The following XXYLT1 variants were observed in gnomAD, a reference collection of about 807,000 sequenced individuals.
The protein encoded by XXYLT1 is UDP-xylose:alpha-xyloside alpha-1,3-xylosyltransferase.
Under a neutral mutation model 28.9 loss-of-function variants are expected in XXYLT1, and 20 were observed. That is an observed-to-expected ratio of 0.69 (90% CI 0.49 to 1.00). The LOEUF is 1.00. Among genes scored for constraint, XXYLT1 ranks in the 50% least tolerant of loss-of-function variants. The pLI is 0.00. For missense variants in XXYLT1, 542 were observed against 560.1 expected (o/e 0.97, Z 0.33); for synonymous variants, 257 against 253.8 (o/e 1.01, Z -0.12).
In XXYLT1 at chr3:195,257,748, C is replaced by T. The variant is rs1165071556; in HGVS notation, c.504+12807G>A. On this transcript the variant is annotated intron_variant, in intron 1 of 3. Coordinates refer to ENST00000310380, the MANE Select transcript of XXYLT1 (RefSeq NM_152531.5). This position sits in a 1 kb window ranked among gnomAD's most constrained non-coding sequence, Gnocchi z 4.3. ...AGGCCGCCCTACCCCAGCTGCCCCCCTCTGCCCCATCTTCTGGTCATGACT... is the reference window on the plus strand; with the variant it reads ...AGGCCGCCCTACCCCAGCTGCCCCCTTCTGCCCCATCTTCTGGTCATGACT... Among the ~76,000 whole-genome samples the T allele has an allele frequency of 1.3e-5, 2 of 152,152 alleles. No individual in the cohort carries two copies. The highest frequency in any genetic ancestry group is 6.5e-5 in the Admixed American group (1 of 15,278).
chr3:195,107,777 A>G (rs1225089122), intron 3 of XXYLT1, among the ~76,000 whole-genome samples: 1 of 151,802 alleles, frequency 6.6e-6, no homozygotes, highest in Non-Finnish European at 1.5e-5. Context: ...CCAGCCCCTC[A>G]GTGTTCGGAA....
Position 195,210,078 on chromosome 3 carries a change from C to T in XXYLT1, c.652+16631G>A, listed in dbSNP as rs181639257. Among the ~76,000 whole-genome samples, 4 of 146,090 alleles carry T rather than the reference C, an allele frequency of 2.7e-5. No individual in the cohort carries two copies. The highest frequency in any genetic ancestry group is 4.4e-5 in the Non-Finnish European group (3 of 67,950). On this transcript the variant is annotated intron_variant, in intron 2 of 3. Coordinates refer to ENST00000310380, the MANE Select transcript of XXYLT1 (RefSeq NM_152531.5). This position sits in a 1 kb window ranked among gnomAD's most constrained non-coding sequence, Gnocchi z 4.8. Reference sequence around the variant, plus strand: ...GCAGCTGCAGTCCAGGCTGAGGCCCCGGCCGCCCGCACACCCTGGCCCAGA... The same window carrying T: ...GCAGCTGCAGTCCAGGCTGAGGCCCTGGCCGCCCGCACACCCTGGCCCAGA...
At chr3:195,201,194 C>T (rs1048723823) in intron 2 of XXYLT1, among the ~76,000 whole-genome samples, 1 of 152,194 alleles carries the variant, frequency 6.6e-6, no homozygotes, top group Non-Finnish European at 1.5e-5. Flanking sequence ...TAAGAAGTCA[C>T]TGGACTTCGA....
At chr3:195,201,107 C>T (rs1277474756) in intron 2 of XXYLT1, among the ~76,000 whole-genome samples, 2 of 152,222 alleles carry the variant, frequency 1.3e-5, no homozygotes, top group South Asian at 4.1e-4. Flanking sequence ...TGATAAAGCT[C>T]TCTGGGTAAT....
Position 195,180,946 on chromosome 3 carries a change from A to G in XXYLT1, c.653-24365T>C, listed in dbSNP as rs767715551. 5.9e-5 allele frequency among the ~76,000 whole-genome samples: 9 copies of G among 152,198 alleles called. No homozygotes were observed. Among genetic ancestry groups the G allele is most frequent in the Non-Finnish European group, 1.2e-4 (8 of 68,028 alleles). ...GAGGTTTGACCACAAACCAAAATATAAAATGCCCAACTGATTTCAAGGAAT... is the reference window on the plus strand; with the variant it reads ...GAGGTTTGACCACAAACCAAAATATGAAATGCCCAACTGATTTCAAGGAAT... On this transcript the variant is annotated intron_variant, in intron 2 of 3. Coordinates refer to ENST00000310380, the MANE Select transcript of XXYLT1 (RefSeq NM_152531.5). The surrounding 1 kb of genome is among the most constrained non-coding windows in gnomAD (Gnocchi z 5.8).
At chr3:195,134,059 C>T (rs2131876) in intron 3 of XXYLT1, among the ~76,000 whole-genome samples, 47,340 of 151,826 alleles carry the variant, frequency 0.31, 8,292 homozygotes, top group East Asian at 0.68. Flanking sequence ...AAAAGACAGA[C>T]AGACAGACAG....
chr3:195,078,540 T>C lies in XXYLT1; in HGVS notation c.786-8429A>G, dbSNP rs1560082232. Among the ~76,000 whole-genome samples the C allele has an allele frequency of 6.6e-6, 1 of 152,034 alleles. No homozygotes were observed. Among genetic ancestry groups the C allele is most frequent in the Non-Finnish European group, 1.5e-5 (1 of 67,980 alleles). The stretch of plus-strand genomic sequence containing the variant: ...GTTCCCTCCAGCCTACCTCCCCCTC[T>C]TCCTCATCCCCATCCAAGCTGGGCC... On this transcript the variant is annotated intron_variant, in intron 3 of 3. Transcript: ENST00000310380. This position sits in a 1 kb window ranked among gnomAD's most constrained non-coding sequence, Gnocchi z 5.0.
At chr3:195,248,689 G>A (rs993281472) in intron 1 of XXYLT1, among the ~76,000 whole-genome samples, 10 of 152,230 alleles carry the variant, frequency 6.6e-5, no homozygotes, top group East Asian at 1.9e-4. Flanking sequence ...AGGCCAAGGC[G>A]GGTGGATAAC....
chr3:195,127,168 G>A (rs76015095), intron 3 of XXYLT1, among the ~76,000 whole-genome samples: 2,935 of 152,194 alleles, frequency 0.019, 101 homozygotes, highest in African/African-American at 0.067. Flanking sequence ...ACAGCTCCCC[G>A]GTAAACATGA....
intron 2 of XXYLT1, among the ~76,000 whole-genome samples, chr3:195,193,008 AG>A (rs1216707949): frequency 1.3e-5 from 2 of 152,210 alleles, no homozygotes; most frequent in Non-Finnish European, 2.9e-5. Flanking sequence ...ATTCCTGGCC[AG>A]GCACGATGGC....
intron 1 of XXYLT1, among the ~76,000 whole-genome samples, chr3:195,263,908 AC>A (rs1725765359): frequency 1.3e-5 from 2 of 152,200 alleles, no homozygotes; most frequent in Non-Finnish European, 2.9e-5. Flanking sequence ...CAGTGCTGAG[AC>A]TATAGTGTCG....
rs1396009860 is a variant in XXYLT1 at position 195,133,031 on chromosome 3, G to A, written c.785+23418C>T. ...CTGAATCGTCCTGCTGAGTTCTAGT[G>A]AAACAAAAGCTTACAACATCATAAA... On this transcript the variant is annotated intron_variant, in intron 3 of 3. Transcript: ENST00000310380. This position sits in a 1 kb window ranked among gnomAD's most constrained non-coding sequence, Gnocchi z 4.4. Among the ~76,000 whole-genome samples, 2 of 152,200 alleles carry A rather than the reference G, an allele frequency of 1.3e-5. No individual in the cohort carries two copies. Among genetic ancestry groups the A allele is most frequent in the African/African-American group, 2.4e-5 (1 of 41,440 alleles).
chr3:195,165,386 G>C (rs1721068044), intron 2 of XXYLT1, among the ~76,000 whole-genome samples: 1 of 152,136 alleles, frequency 6.6e-6, no homozygotes, highest in South Asian at 2.1e-4. Flanking sequence ...ACCAGGCAGA[G>C]AACAGCCGGC....
At chr3:195,183,925 T>A (rs1722066027) in intron 2 of XXYLT1, among the ~76,000 whole-genome samples, 1 of 152,248 alleles carries the variant, frequency 6.6e-6, no homozygotes, top group Non-Finnish European at 1.5e-5. Flanking sequence ...TCCACTTGGC[T>A]GCCCTAGACC....
chr3:195,159,298 A>G (rs1720753446), intron 2 of XXYLT1, among the ~76,000 whole-genome samples: 1 of 152,126 alleles, frequency 6.6e-6, no homozygotes, highest in Non-Finnish European at 1.5e-5. Context: ...CACTCTACCC[A>G]TTTTACAGAT....
In XXYLT1 at chr3:195,078,134, A is replaced by T. The variant is rs1375403026; in HGVS notation, c.786-8023T>A. Among the ~76,000 whole-genome samples, 1 of 152,066 alleles carries T rather than the reference A, an allele frequency of 6.6e-6. No homozygotes were observed. Among genetic ancestry groups the T allele is most frequent in the Non-Finnish European group, 1.5e-5 (1 of 67,996 alleles). On this transcript the variant is annotated intron_variant, in intron 3 of 3. Transcript: ENST00000310380. This position sits in a 1 kb window ranked among gnomAD's most constrained non-coding sequence, Gnocchi z 5.0. ...GCTGGGAGGAGTGGGTGTGGGGCGG[A>T]GGAAAAGGGAATTCCATGTTGAGTC...
chr3:195,270,992 G>A lies in XXYLT1; in HGVS notation c.67C>T (p.His23Tyr), dbSNP rs1181651974. 6.8e-7 allele frequency: 1 copy of A among 1,481,390 alleles called. No individual in the cohort carries two copies. The highest frequency in any genetic ancestry group is 8.9e-7 in the Non-Finnish European group (1 of 1,120,118). The allele number at this position is 1,481,390 out of a possible 1,614,324, so 91.8% of individuals were successfully genotyped here. ...GCGGCCAGCAGCAGGGCGCAGTAGT[G>A]GGAGCGCACAGCGCCCAGGCGCGCC... ...AMARLGAVRS[H>Y]YCALLLAAAL... Residue 23 changes from histidine (H) to tyrosine (Y), a missense_variant, in exon 1 of 4, where the codon CAC becomes TAC. By Grantham distance (83) the His-to-Tyr change is moderately conservative (BLOSUM62 2). Coordinates refer to ENST00000310380, the MANE Select transcript of XXYLT1 (RefSeq NM_152531.5).
chr3:195,068,497 A>T lies in XXYLT1; in HGVS notation c.*1218T>A, dbSNP rs1241487303. On this transcript the variant is annotated 3_prime_UTR_variant, in exon 4 of 4. Coordinates refer to ENST00000310380, the MANE Select transcript of XXYLT1 (RefSeq NM_152531.5). ...GGTATGATAAGGGGATTTTTTAAAC[A>T]AAGAAACTAGAATGCTTACTAGCCC... The T allele has an allele frequency of 6.6e-6, 1 of 152,148 alleles. No individual in the cohort carries two copies. Among genetic ancestry groups the T allele is most frequent in the Non-Finnish European group, 1.5e-5 (1 of 68,024 alleles). The allele number at this position is 152,148 out of a possible 1,614,324, so 9.4% of individuals were successfully genotyped here. A position where few individuals can be genotyped will look rare whatever the true frequency, so the allele number is the denominator to read the frequency against.
chr3:195,247,778 G>A (rs1324299009), intron 1 of XXYLT1: 4 of 702,380 alleles, frequency 5.7e-6, no homozygotes, highest in Non-Finnish European at 1.0e-5. Flanking sequence ...TCACAGTTCT[G>A]CCTGGCTGGG....
Sources: allele counts gnomAD v4.1 joint callset (sites outside exome capture counted in the v4.1 genomes callset), GRCh38; gene constraint gnomAD v4.1.1; non-coding constraint Gnocchi (gnomAD v3.1); transcripts MANE v1.5; gene names NCBI Gene and HGNC (gene_info 2026-07-23, HGNC 2026-07-21).